BCAS3: variants seen among roughly 807,000 people sequenced by gnomAD.
BCAS3 encodes the protein BCAS3 microtubule associated cell migration factor, also known as BCAS4/BCAS3 fusion.
BCAS3 carries 53 observed loss-of-function variants against 116.1 expected under a neutral mutation model. The observed-to-expected ratio is 0.46, with a 90% CI of 0.37 to 0.57. The LOEUF is 0.57. BCAS3 is among the 20% of genes least tolerant of loss of function. The pLI is 0.00. For missense variants in BCAS3, 917 were observed against 1,165.4 expected (o/e 0.79, Z 3.10); for synonymous variants, 391 against 408.2 (o/e 0.96, Z 0.51).
intron 10 of BCAS3, among the ~76,000 whole-genome samples, chr17:60,896,435 C>T (rs2057514036): frequency 6.6e-6 from 1 of 152,198 alleles, no homozygotes. Context: ...TACTGTATTT[C>T]AGTTTATCTC....
chr17:61,388,854 G>C lies in BCAS3; in HGVS notation c.2594-3123G>C, dbSNP rs1408212837. On this transcript the variant is annotated intron_variant, in intron 23 of 23. Coordinates refer to ENST00000407086, the MANE Select transcript of BCAS3 (RefSeq NM_017679.5). The surrounding 1 kb of genome is among the most constrained non-coding windows in gnomAD (Gnocchi z 6.5). Reference sequence around the variant, plus strand: ...GGGGAGGAGCAGAAGGGGTCTGAGAGGAGGCGTGGAGAAAAGCGCCCACAA... The same window carrying C: ...GGGGAGGAGCAGAAGGGGTCTGAGACGAGGCGTGGAGAAAAGCGCCCACAA... 1.3e-6 allele frequency: 1 copy of C among 790,604 alleles called. No individual in the cohort carries two copies. The highest frequency in any genetic ancestry group is 1.9e-6 in the Non-Finnish European group (1 of 513,654). 49.0% of individuals were successfully genotyped at this position (790,604 alleles called of 1,614,324 possible).
intron 22 of BCAS3, among the ~76,000 whole-genome samples, chr17:61,113,005 T>A: frequency 1.1e-5 from 1 of 90,930 alleles, no homozygotes; most frequent in Non-Finnish European, 2.7e-5. Flanking sequence ...CATAACGAAA[T>A]GAAGGCAGAA....
At chr17:60,756,432 A>C (rs544129650) in intron 6 of BCAS3, among the ~76,000 whole-genome samples, 7 of 152,154 alleles carry the variant, frequency 4.6e-5, no homozygotes, top group African/African-American at 1.4e-4. Context: ...TTCCATCCAC[A>C]CATTCTTCCC....
chr17:61,058,623 TTTGA>T (rs1257984479), intron 19 of BCAS3, among the ~76,000 whole-genome samples: 1 of 152,218 alleles, frequency 6.6e-6, no homozygotes, highest in Non-Finnish European at 1.5e-5. Context: ...AAAGTAGCAC[TTTGA>T]TTGTTTCTCT....
chr17:61,350,347 G>A (rs111315169), intron 22 of BCAS3, among the ~76,000 whole-genome samples: 4 of 151,866 alleles, frequency 2.6e-5, no homozygotes, highest in East Asian at 3.9e-4. Flanking sequence ...CCCAGGAGGC[G>A]GAGATTGCAG....
chr17:60,892,321 T>C (rs2057215543), intron 10 of BCAS3, among the ~76,000 whole-genome samples: 1 of 151,760 alleles, frequency 6.6e-6, no homozygotes, highest in Non-Finnish European at 1.5e-5. Context: ...TATTTTTTTT[T>C]TTTTTTTTGA....
intron 22 of BCAS3, among the ~76,000 whole-genome samples, chr17:61,201,251 C>G (rs1370584737): frequency 1.3e-5 from 2 of 152,208 alleles, no homozygotes; most frequent in Non-Finnish European, 2.9e-5. Flanking sequence ...AATCATACTT[C>G]CATCTCATGG....
rs374398691 is a variant in BCAS3 at position 60,689,774 on chromosome 17, C to CT, written c.214+20dup. On this transcript the variant is annotated intron_variant, in intron 4 of 23. Coordinates refer to ENST00000407086, the MANE Select transcript of BCAS3 (RefSeq NM_017679.5). ...GCAGATTTAAATGGTATGGTTTTAA[C>CT]TTTTTTTGGGACGTGTGAATTAATT... 10 of 1,558,584 alleles carry CT rather than the reference C, an allele frequency of 6.4e-6. No homozygotes were observed. The highest frequency in any genetic ancestry group is 2.2e-5 in the East Asian group (1 of 44,450).
At chr17:60,847,623 A>G (rs1209755531) in intron 7 of BCAS3, among the ~76,000 whole-genome samples, 2 of 152,156 alleles carry the variant, frequency 1.3e-5, no homozygotes, top group Non-Finnish European at 2.9e-5. Flanking sequence ...CATGTTGACC[A>G]TTTGTATATC....
chr17:60,825,457 T>G (rs936666408), intron 7 of BCAS3, among the ~76,000 whole-genome samples: 16 of 149,696 alleles, frequency 1.1e-4, no homozygotes, highest in African/African-American at 3.7e-4. Context: ...GTTTGTTCCT[T>G]GCACTGTAAC....
chr17:60,913,502 G>C (rs1348313509), intron 12 of BCAS3, among the ~76,000 whole-genome samples: 2 of 152,084 alleles, frequency 1.3e-5, no homozygotes, highest in Non-Finnish European at 2.9e-5. Flanking sequence ...TTTTGTCTCT[G>C]ATAAGTAGTT....
At chr17:61,085,623 G>T (rs1219787484) in intron 22 of BCAS3, among the ~76,000 whole-genome samples, 1 of 152,138 alleles carries the variant, frequency 6.6e-6, no homozygotes, top group Non-Finnish European at 1.5e-5. Context: ...CTAGGGCTAT[G>T]CCTTCATTTT....
chr17:61,184,946 A>T (rs1301669725), intron 22 of BCAS3, among the ~76,000 whole-genome samples: 1 of 152,088 alleles, frequency 6.6e-6, no homozygotes, highest in East Asian at 1.9e-4. Context: ...GGGGAAAGGA[A>T]TTGACTCTGA....
At chr17:61,096,404 T>A (rs1601198853) in intron 22 of BCAS3, among the ~76,000 whole-genome samples, 1 of 152,238 alleles carries the variant, frequency 6.6e-6, no homozygotes, top group South Asian at 2.1e-4. Context: ...AAAAAATTTT[T>A]AAATTAGCTG....
rs770932491 is a variant in BCAS3 at position 61,316,031 on chromosome 17, G to A, written c.2426-52296G>A. ...CATCTATAGCAGGTGCTGGCCAGGC[G>A]TGGTGGCTCACACCTTTGATCCCAG... On this transcript the variant is annotated intron_variant, in intron 22 of 23. Transcript: ENST00000407086. The surrounding 1 kb of genome is among the most constrained non-coding windows in gnomAD (Gnocchi z 5.8). 1.3e-5 allele frequency among the ~76,000 whole-genome samples: 2 copies of A among 152,146 alleles called. No homozygotes were observed. The highest frequency in any genetic ancestry group is 6.5e-5 in the Admixed American group (1 of 15,272).
rs763375142 is a variant in BCAS3, at chr17:61,026,920, A to C, written c.1638-7746A>C. 6.3e-7 allele frequency: 1 copy of C among 1,598,718 alleles called. No homozygotes were observed. Among genetic ancestry groups the C allele is most frequent in the Non-Finnish European group, 8.5e-7 (1 of 1,171,434 alleles). On this transcript the variant is annotated intron_variant, in intron 16 of 23. Coordinates refer to ENST00000407086, the MANE Select transcript of BCAS3 (RefSeq NM_017679.5). The surrounding 1 kb of genome is among the most constrained non-coding windows in gnomAD (Gnocchi z 5.0). ...CCATAAAAGCCCCATGGTGAGTTCC[A>C]GTTCAGTCCCGCATGCCTCATTCAT...
chr17:60,855,901 C>T (rs1381988544), intron 7 of BCAS3, among the ~76,000 whole-genome samples: 6 of 152,086 alleles, frequency 3.9e-5, no homozygotes, highest in East Asian at 1.9e-4. Context: ...AGGCTGGTCT[C>T]GAACTCCTGA....
chr17:61,250,300 A>G (rs2048272801), intron 22 of BCAS3, among the ~76,000 whole-genome samples: 1 of 152,208 alleles, frequency 6.6e-6, no homozygotes, highest in Admixed American at 6.5e-5. Flanking sequence ...AATTTTAAAC[A>G]TGAGAAGATT....
chr17:60,695,088 T>C lies in BCAS3; in HGVS notation c.214+5327T>C, dbSNP rs1264686187. On this transcript the variant is annotated intron_variant, in intron 4 of 23. Transcript: ENST00000407086. ...TCAGAATTTTCTTCCTTTTTAAGGCTGAATCATGCTTCATTGTATGTATAT... is the reference window on the plus strand; with the variant it reads ...TCAGAATTTTCTTCCTTTTTAAGGCCGAATCATGCTTCATTGTATGTATAT... Among the ~76,000 whole-genome samples, 7 of 152,158 alleles carry C rather than the reference T, an allele frequency of 4.6e-5. No individual in the cohort carries two copies. In the East Asian group the frequency reaches 1.3e-3, roughly 29 times the overall value.
Sources: gnomAD v4.1 joint callset for allele counts (sites outside exome capture counted in the v4.1 genomes callset) on GRCh38, gnomAD v4.1.1 for gene constraint, Gnocchi (gnomAD v3.1) non-coding constraint, MANE v1.5 for transcripts, NCBI Gene and HGNC (gene_info 2026-07-23, HGNC 2026-07-21) for gene names.